SNX9: variants seen among roughly 807,000 people sequenced by gnomAD.
The protein encoded by SNX9 is sorting nexin-9.
In SNX9, 44 loss-of-function variants were observed where a neutral mutation model predicts 89.4. The observed-to-expected ratio is 0.49, with a 90% CI of 0.39 to 0.63. The LOEUF is 0.63. Ranked by LOEUF, SNX9 falls within the 30% of genes least tolerant of loss-of-function variation. SNX9 has a pLI of 0.00. For missense variants in SNX9, 578 were observed against 736.1 expected (o/e 0.79, Z 2.49); for synonymous variants, 236 against 247.8 (o/e 0.95, Z 0.45).
At chr6:157,911,103 ACT>A (rs1783333345) in intron 9 of SNX9, among the ~76,000 whole-genome samples, 1 of 144,752 alleles carries the variant, frequency 6.9e-6, no homozygotes, top group Admixed American at 6.7e-5. Flanking sequence ...ACAGAGCGAG[ACT>A]CTGTCTCAAA....
chr6:157,832,689 A>T (rs2115105784), intron 1 of SNX9, among the ~76,000 whole-genome samples: 1 of 152,282 alleles, frequency 6.6e-6, no homozygotes, highest in Non-Finnish European at 1.5e-5. Flanking sequence ...GCCGAGCAAA[A>T]GGGGGAAAAC....
chr6:157,828,370 C>T (rs1479200517), intron 1 of SNX9, among the ~76,000 whole-genome samples: 1 of 152,176 alleles, frequency 6.6e-6, no homozygotes, highest in East Asian at 1.9e-4. Flanking sequence ...TATAGTTTTA[C>T]TTTAATTGTC....
intron 10 of SNX9, among the ~76,000 whole-genome samples, chr6:157,923,611 T>C (rs1216924564): frequency 6.6e-6 from 1 of 152,200 alleles, no homozygotes; most frequent in Non-Finnish European, 1.5e-5. Flanking sequence ...AAAGATGTCA[T>C]ATGTAGAAAA....
At chr6:157,884,971 T>G (rs770879375) in intron 4 of SNX9, 1 of 152,212 alleles carries the variant, frequency 6.6e-6, no homozygotes, top group Non-Finnish European at 1.5e-5. Context: ...GGACTTCTCT[T>G]AGGTCTGTCT....
At chr6:157,857,271 T>C (rs990186802) in intron 1 of SNX9, among the ~76,000 whole-genome samples, 1 of 152,190 alleles carries the variant, frequency 6.6e-6, no homozygotes, top group African/African-American at 2.4e-5. Flanking sequence ...TAGGCTTTGC[T>C]AGTAGTGTCT....
At chr6:157,941,135 T>G (rs1286910649) in intron 17 of SNX9, among the ~76,000 whole-genome samples, 161 bp downstream of exon 17, 1 of 152,256 alleles carries the variant, frequency 6.6e-6, no homozygotes, top group Non-Finnish European at 1.5e-5. Context: ...CCTAATTCCA[T>G]CTGCCCTTTG....
intron 1 of SNX9, among the ~76,000 whole-genome samples, chr6:157,837,821 C>T (rs1781615453): frequency 6.6e-6 from 1 of 152,158 alleles, no homozygotes. Context: ...GTGAAGCCGT[C>T]GTTGGCATTT....
intron 4 of SNX9, among the ~76,000 whole-genome samples, chr6:157,890,603 G>A (rs1782837789): frequency 6.6e-6 from 1 of 152,134 alleles, no homozygotes; most frequent in Non-Finnish European, 1.5e-5. Context: ...GTGTCCCAGA[G>A]ACCCAACCAG....
chr6:157,842,102 T>C (rs895671961), intron 1 of SNX9, among the ~76,000 whole-genome samples: 1 of 152,234 alleles, frequency 6.6e-6, no homozygotes, highest in Admixed American at 6.5e-5. Context: ...ATTCCTGTTA[T>C]ACTTAAAAAT....
intron 4 of SNX9, among the ~76,000 whole-genome samples, chr6:157,883,132 C>T (rs1304841505): frequency 2.0e-5 from 3 of 152,242 alleles, no homozygotes; most frequent in South Asian, 4.2e-4. Context: ...GACCCCCCCG[C>T]CACCCCAGCA....
intron 17 of SNX9, among the ~76,000 whole-genome samples, chr6:157,941,511 A>G (rs1326107653): frequency 6.6e-6 from 1 of 152,242 alleles, no homozygotes; most frequent in African/African-American, 2.4e-5. Context: ...ACCTCTGCTT[A>G]GTAATTTTGT....
At chr6:157,850,769 TTTTAAGAGCATATATC>T (rs2115120718) in intron 1 of SNX9, among the ~76,000 whole-genome samples, 1 of 152,322 alleles carries the variant, frequency 6.6e-6, no homozygotes, top group Admixed American at 6.5e-5. Context: ...GGCAGGTCAC[TTTTAAGAGCATATATC>T]TTCTTTGCCT....
intron 1 of SNX9, among the ~76,000 whole-genome samples, chr6:157,857,944 G>A (rs745976060): frequency 7.2e-5 from 11 of 152,252 alleles, no homozygotes; most frequent in African/African-American, 2.2e-4. Context: ...CTGACAATGC[G>A]TGGTTCTTGT....
At chr6:157,917,552 T>G (rs564357935) in intron 9 of SNX9, among the ~76,000 whole-genome samples, 1 of 152,278 alleles carries the variant, frequency 6.6e-6, no homozygotes, top group East Asian at 1.9e-4. Flanking sequence ...CCATGGGTTA[T>G]TTAGAAATAT....
intron 1 of SNX9, among the ~76,000 whole-genome samples, chr6:157,852,258 A>C (rs1781928650): frequency 6.6e-6 from 1 of 152,224 alleles, no homozygotes; most frequent in Non-Finnish European, 1.5e-5. Context: ...TGTTTAAAGA[A>C]GTATATCTGA....
rs138188760 is a variant in SNX9, at chr6:157,846,645, C to A, written c.13-20902C>A. On this transcript the variant is annotated intron_variant, in intron 1 of 17. Transcript: ENST00000392185. ...GAGACTTGCAGATCATCTAGGCTGA[C>A]CCTGTCATTTTTCATGTGTGAAAGC... Among the ~76,000 whole-genome samples the A allele has an allele frequency of 1.6e-4, 24 of 152,296 alleles. 1 individual carries two copies. In the East Asian group the frequency reaches 4.4e-3, roughly 28 times the overall value.
intron 13 of SNX9, among the ~76,000 whole-genome samples, chr6:157,935,315 G>T (rs1036525864): frequency 6.6e-6 from 1 of 152,152 alleles, no homozygotes; most frequent in Non-Finnish European, 1.5e-5. Flanking sequence ...GGTCATTCTA[G>T]GTAACGATCA....
At chr6:157,835,196 G>A (rs6455847) in intron 1 of SNX9, among the ~76,000 whole-genome samples, 42,949 of 151,720 alleles carry the variant, frequency 0.28, 7,032 homozygotes, top group African/African-American at 0.45. Flanking sequence ...TATTTTTAGT[G>A]GAGATGGGGT....
rs758921382 is a variant in SNX9 at position 157,854,713 on chromosome 6, A to C, written c.13-12834A>C. On this transcript the variant is annotated intron_variant, in intron 1 of 17. Coordinates refer to ENST00000392185, the MANE Select transcript of SNX9 (RefSeq NM_016224.5). ...ATATACACTGAAATTATTGGTTCTC[A>C]GAATGAAAAGTCTAGGAATATGGTT... Among the ~76,000 whole-genome samples, 42 of 152,228 alleles carry C rather than the reference A, an allele frequency of 2.8e-4. 1 individual carries two copies. The highest frequency in any genetic ancestry group is 9.2e-4 in the Admixed American group (14 of 15,276).
Sources: allele counts gnomAD v4.1 joint callset (sites outside exome capture counted in the v4.1 genomes callset), GRCh38; gene constraint gnomAD v4.1.1; transcripts MANE v1.5; gene names NCBI Gene and HGNC (gene_info 2026-07-23, HGNC 2026-07-21).